ICAM2: variants seen among roughly 807,000 people sequenced by gnomAD.
ICAM2 encodes the protein intercellular adhesion molecule 2.
In ICAM2, 14 loss-of-function variants were observed where a neutral mutation model predicts 19.1. The observed-to-expected ratio is 0.73, with a 90% confidence interval of 0.48 to 1.15. The LOEUF is 1.15. Among genes scored for constraint, ICAM2 ranks in the 50% most tolerant of loss-of-function variants. ICAM2 has a pLI of 0.00. For missense variants in ICAM2, 311 were observed against 355.4 expected (o/e 0.88, Z 1.00); for synonymous variants, 153 against 152.7 (o/e 1.00, Z -0.01).
At chr17:64,010,524 C>T (rs1315630055) in intron 1 of ICAM2, among the ~76,000 whole-genome samples, 1 of 128,494 alleles carries the variant, frequency 7.8e-6, no homozygotes, top group Non-Finnish European at 1.7e-5. Context: ...CAGTGACTTT[C>T]CTCTCTTGTT....
intron 3 of ICAM2, 147 bp from the exon 4 acceptor site, chr17:64,004,111 G>A (rs1480533309): frequency 2.5e-5 from 16 of 627,742 alleles, no homozygotes; most frequent in Non-Finnish European, 3.9e-5. Flanking sequence ...GAGGAAGAGG[G>A]CAGCAGTTGA....
chr17:64,004,584 T>C (rs1180403900), intron 3 of ICAM2: 1 of 174,192 alleles, frequency 5.7e-6, no homozygotes, highest in Non-Finnish European at 1.2e-5. Context: ...CTGAAACTGG[T>C]GATGGAATGG....
At chr17:64,014,737 GAA>G (rs769431951) in intron 1 of ICAM2, among the ~76,000 whole-genome samples, 1 of 114,354 alleles carries the variant, frequency 8.7e-6, no homozygotes, top group Non-Finnish European at 1.9e-5. Flanking sequence ...AAGAAAGAAA[GAA>G]AGAAAGAAAG....
chr17:64,003,759 C>G lies in ICAM2; in HGVS notation c.534G>C (p.Thr178=). ...TGCGGTGGCCATCCTCTCTGTCAGC[C>G]GTGCTGTTGAATGTGGCTGTGGCCT... ...PQEATATFNS[T]ADREDGHRNF... The change falls in exon 4 of 5, where the codon ACG becomes ACC. Residue 178 remains threonine (T), a synonymous_variant. Transcript: ENST00000579788. The G allele has an allele frequency of 6.2e-7, 1 of 1,614,228 alleles. No homozygotes were observed. The highest frequency in any genetic ancestry group is 8.5e-7 in the Non-Finnish European group (1 of 1,180,036).
At chr17:64,010,615 T>C (rs1418871090) in intron 1 of ICAM2, among the ~76,000 whole-genome samples, 3 of 150,424 alleles carry the variant, frequency 2.0e-5, no homozygotes, top group African/African-American at 7.3e-5. Flanking sequence ...CAAAAACAGA[T>C]AAACAAAAAG....
Position 64,003,609 on chromosome 17 carries a change from A to C in ICAM2, c.649+35T>G, listed in dbSNP as rs4141180. ...TCCCCCGAGGGGCTGAAAGTGACTT[A>C]TCACTCCCAACTCCATCCACGGATC... On this transcript the variant is annotated intron_variant, in intron 4 of 4. Coordinates refer to ENST00000579788, the MANE Select transcript of ICAM2 (RefSeq NM_001099789.2). 1,567,204 of 1,579,446 alleles carry C rather than the reference A, an allele frequency of 0.99. 778,251 individuals are homozygous for C. The highest frequency in any genetic ancestry group is 1 in the East Asian group (44,498 of 44,498).
chr17:64,003,107 G>GA, intron 4 of ICAM2, 182 bp from the exon 5 acceptor site: 3 of 585,224 alleles, frequency 5.1e-6, no homozygotes, highest in South Asian at 2.2e-5. Context: ...TTATTATCTG[G>GA]AAAAAAGGTG....
chr17:64,007,267 C>CTT (rs1031318047), intron 1 of ICAM2, among the ~76,000 whole-genome samples: 4 of 146,616 alleles, frequency 2.7e-5, no homozygotes, highest in African/African-American at 1.0e-4. Flanking sequence ...TTTTCTTTTT[C>CTT]TTTTTTTTTT....
rs368636050 is a variant in ICAM2, at chr17:64,002,860, C to G, written c.715G>C (p.Val239Leu). The G allele has an allele frequency of 3.1e-6, 5 of 1,613,802 alleles. No individual in the cohort carries two copies. Among genetic ancestry groups the G allele is most frequent in the Middle Eastern group, 1.6e-4 (1 of 6,084 alleles). Residue 239 changes from valine to leucine, a missense_variant, in exon 5 of 5, where the codon GTG becomes CTG. Val to Leu is a conservative substitution (Grantham distance 32). Transcript: ENST00000579788. ...TVVSVLLSLF[V>L]TSVLLCFIFG... ...ATGAAGCAGAGCAGGACAGATGTCACGAACAGGGACAGCAACACCGACACC... is the reference window on the plus strand; with the variant it reads ...ATGAAGCAGAGCAGGACAGATGTCAGGAACAGGGACAGCAACACCGACACC...
At chr17:64,013,691 A>G (rs1911542194) in intron 1 of ICAM2, among the ~76,000 whole-genome samples, 3 of 152,204 alleles carry the variant, frequency 2.0e-5, no homozygotes, top group African/African-American at 7.2e-5. Flanking sequence ...TTTAAAGACA[A>G]AAACATTTAT....
At chr17:64,003,107 GA>G (rs1175673211) in intron 4 of ICAM2, 182 bp from the exon 5 acceptor site, 10 of 585,122 alleles carry the variant, frequency 1.7e-5, no homozygotes, top group African/African-American at 3.7e-5. Flanking sequence ...TTATTATCTG[GA>G]AAAAAGGTGG....
intron 3 of ICAM2, 137 bp from the exon 4 acceptor site, chr17:64,004,101 G>A: frequency 1.6e-6 from 1 of 640,072 alleles, no homozygotes; most frequent in Non-Finnish European, 2.7e-6. Flanking sequence ...CCAGTGCAGA[G>A]AGGAAGAGGG....
At chr17:64,014,674 AAAGAAAGGAAGGAAGG>A (rs879894106) in intron 1 of ICAM2, among the ~76,000 whole-genome samples, 3,214 of 98,660 alleles carry the variant, frequency 0.033, 57 homozygotes, top group Non-Finnish European at 0.049. Context: ...AGAGAGAAAG[AAAGAAAGGAAGGAAGG>A]AAGGAAGGAA....
intron 1 of ICAM2, among the ~76,000 whole-genome samples, chr17:64,012,763 G>A (rs892388997): frequency 2.0e-5 from 3 of 152,202 alleles, no homozygotes; most frequent in Admixed American, 6.5e-5. Flanking sequence ...ACAGGAGGAT[G>A]TGTGTAGGTT....
chr17:64,014,393 A>G (rs1407699549), intron 1 of ICAM2, among the ~76,000 whole-genome samples: 1 of 76,686 alleles, frequency 1.3e-5, no homozygotes, highest in Non-Finnish European at 3.3e-5. Context: ...GGAAGGAAGG[A>G]AGGAAGGAAG....
In ICAM2 at chr17:64,005,257, G is replaced by A; in HGVS notation, c.178C>T (p.Leu60=). The change falls in exon 3 of 5, where the codon CTG becomes TTG. Residue 60 remains leucine (L), a synonymous_variant. Coordinates refer to ENST00000579788, the MANE Select transcript of ICAM2 (RefSeq NM_001099789.2). ...TTCNQPEVGG[L]ETSLDKILLD... ...AGAATCTTATCTAGAGAGGTCTCCA[G>A]ACCACCCACTTCAGGCTGGTTACAG... is the stretch of plus-strand genomic sequence containing the variant. The A allele has an allele frequency of 6.2e-7, 1 of 1,614,160 alleles. No homozygotes were observed. Among genetic ancestry groups the A allele is most frequent in the South Asian group, 1.1e-5 (1 of 91,084 alleles).
chr17:64,019,647 C>T (rs1911863952), intron 1 of ICAM2, among the ~76,000 whole-genome samples: 1 of 151,844 alleles, frequency 6.6e-6, no homozygotes, highest in Admixed American at 6.6e-5. Flanking sequence ...AACCCTGTCG[C>T]TACCAAAAAC....
chr17:64,002,882 C>T lies in ICAM2; in HGVS notation c.693G>A (p.Val231=), dbSNP rs1323646549. ...TCACGAACAGGGACAGCAACACCGA[C>T]ACCACCGTGACTATGATGACCATCT... ...DSQMVIIVTV[V]SVLLSLFVTS... Residue 231 remains valine (V), a synonymous_variant, in exon 5 of 5, where the codon GTG becomes GTA. Coordinates refer to ENST00000579788, the MANE Select transcript of ICAM2 (RefSeq NM_001099789.2). 1.2e-6 allele frequency: 2 copies of T among 1,613,784 alleles called. No individual in the cohort carries two copies. Among genetic ancestry groups the T allele is most frequent in the African/African-American group, 1.3e-5 (1 of 74,904 alleles).
chr17:64,003,759 C>T lies in ICAM2; in HGVS notation c.534G>A (p.Thr178=), dbSNP rs201080008. 14 of 1,614,228 alleles carry T rather than the reference C, an allele frequency of 8.7e-6. No individual in the cohort carries two copies. Among genetic ancestry groups the T allele is most frequent in the African/African-American group, 4.0e-5 (3 of 75,066 alleles). Residue 178 remains threonine (T), a synonymous_variant, in exon 4 of 5, where the codon ACG becomes ACA. Coordinates refer to ENST00000579788, the MANE Select transcript of ICAM2 (RefSeq NM_001099789.2). ...TGCGGTGGCCATCCTCTCTGTCAGC[C>T]GTGCTGTTGAATGTGGCTGTGGCCT... ...PQEATATFNS[T]ADREDGHRNF... is the part of the protein sequence containing the mutation.
Sources: gnomAD v4.1 joint callset for allele counts (sites outside exome capture counted in the v4.1 genomes callset) on GRCh38, gnomAD v4.1.1 for gene constraint, MANE v1.5 for transcripts, NCBI Gene and HGNC (gene_info 2026-07-23, HGNC 2026-07-21) for gene names.